Variants in TMC5 observed in about 807,000 individuals in gnomAD.
The protein encoded by TMC5 is transmembrane channel like 5, also known as transmembrane channel-like protein 5.
A neutral mutation model predicts 110.5 loss-of-function variants in TMC5; 86 were observed. That is an observed-to-expected ratio of 0.78 (90% CI 0.65 to 0.93). The LOEUF (loss-of-function observed/expected upper bound fraction) is 0.93, where lower values mean the gene tolerates loss of function less well. Ranked by LOEUF, TMC5 falls within the 40% of genes least tolerant of loss-of-function variation. The probability of loss-of-function intolerance (pLI) is 0.00; values close to 1 mark genes in which losing one functional copy is unlikely to be tolerated. For missense variants in TMC5, 1,144 were observed against 1,222.8 expected, an observed-to-expected ratio of 0.94 and a Z score of 0.96; for synonymous variants, 455 against 439.5, an observed-to-expected ratio of 1.04 and a Z score of -0.44.
intron 4 of TMC5, among the ~76,000 whole-genome samples, chr16:19,447,920 G>A (rs560522910): frequency 1.3e-5 from 2 of 152,106 alleles, no homozygotes; most frequent in South Asian, 2.1e-4. Flanking sequence ...CCCAGGGGGC[G>A]CACAACTAGG....
chr16:19,447,255 C>T (rs1967635186), intron 4 of TMC5, among the ~76,000 whole-genome samples: 1 of 151,970 alleles, frequency 6.6e-6, no homozygotes, highest in Non-Finnish European at 1.5e-5. Context: ...AGTGAGTGAC[C>T]TAGGGCAATG....
chr16:19,466,193 G>A lies in TMC5; in HGVS notation c.1597G>A (p.Gly533Arg), dbSNP rs200661492. The A allele has an allele frequency of 7.5e-5, 121 of 1,613,922 alleles. No homozygotes were observed. Among genetic ancestry groups the A allele is most frequent in the East Asian group, 5.3e-4 (24 of 44,888 alleles). ...NMQLAYIFTI[G>R]ACLTTCFFSL... ...GCAGCTGGCCTACATCTTCACAATC[G>A]GAGCATGCTTGACCACCTGCTTCTT... Residue 533 changes from glycine (G) to arginine (R), a missense_variant, in exon 9 of 22, where the codon GGA becomes AGA. Transcript: ENST00000542583.
intron 5 of TMC5, among the ~76,000 whole-genome samples, chr16:19,455,006 G>T (rs1186065592): frequency 6.6e-6 from 1 of 152,016 alleles, no homozygotes; most frequent in Non-Finnish European, 1.5e-5. Context: ...GCATGGTGGT[G>T]CCCCTGTGGT....
chr16:19,469,638 G>C, intron 9 of TMC5, 43 bp from the exon 10 acceptor site: 5 of 1,610,526 alleles, frequency 3.1e-6, no homozygotes, highest in Non-Finnish European at 4.2e-6. Context: ...TCCCAGTGAC[G>C]GCCATAATAA....
intron 15 of TMC5, among the ~76,000 whole-genome samples, chr16:19,483,591 A>G (rs1299829683): frequency 6.6e-6 from 1 of 151,810 alleles, no homozygotes; most frequent in East Asian, 1.9e-4. Flanking sequence ...CCAGCCTGAC[A>G]AACATGGTGA....
chr16:19,486,463 G>A (rs1218549935), intron 15 of TMC5, among the ~76,000 whole-genome samples: 2 of 152,018 alleles, frequency 1.3e-5, no homozygotes, highest in Non-Finnish European at 2.9e-5. Context: ...TGCAACCTCC[G>A]CCTCCCAGGT....
chr16:19,422,181 A>G (rs1432678430), intron 1 of TMC5, among the ~76,000 whole-genome samples: 2 of 151,880 alleles, frequency 1.3e-5, no homozygotes, highest in Non-Finnish European at 2.9e-5. Flanking sequence ...CAGTGAGCCA[A>G]GATCACACCA....
intron 4 of TMC5, among the ~76,000 whole-genome samples, chr16:19,447,159 G>C (rs1261607703): frequency 1.3e-5 from 2 of 152,148 alleles, no homozygotes; most frequent in Non-Finnish European, 2.9e-5. Context: ...AAGGTTGGTT[G>C]GCATTTGGCT....
At chr16:19,474,058 T>G in intron 11 of TMC5, 67 bp from the exon 12 acceptor site, 1 of 1,487,088 alleles carries the variant, frequency 6.7e-7, no homozygotes, top group East Asian at 2.4e-5. Flanking sequence ...ATGGGAGACT[T>G]TTGAGTGAAG....
At chr16:19,487,666 C>T (rs796897312) in intron 17 of TMC5, among the ~76,000 whole-genome samples, 3 of 151,326 alleles carry the variant, frequency 2.0e-5, no homozygotes, top group African/African-American at 4.9e-5. Flanking sequence ...TGCACCATTG[C>T]GCTCCAGCCT....
chr16:19,419,152 G>C (rs1659679416), intron 1 of TMC5, among the ~76,000 whole-genome samples: 1 of 151,978 alleles, frequency 6.6e-6, no homozygotes. Context: ...AACCTCTCTG[G>C]GTCTCAATGT....
intron 16 of TMC5, 37 bp from the exon 17 acceptor site, chr16:19,487,156 G>A (rs762195203): frequency 3.0e-5 from 48 of 1,604,270 alleles, no homozygotes; most frequent in Middle Eastern, 1.7e-4. Context: ...CCGCTGCTCC[G>A]GCTGCAGATG....
intron 5 of TMC5, among the ~76,000 whole-genome samples, chr16:19,455,844 A>G (rs983966945): frequency 2.6e-5 from 4 of 152,324 alleles, no homozygotes; most frequent in Admixed American, 2.0e-4. Context: ...TACCTAAGGC[A>G]TCAGGAGATA....
chr16:19,421,959 G>A (rs796858672), intron 1 of TMC5, among the ~76,000 whole-genome samples: 8 of 150,586 alleles, frequency 5.3e-5, no homozygotes, highest in Admixed American at 6.6e-5. Flanking sequence ...GGCCGGGCGC[G>A]GTGGCTCACG....
intron 14 of TMC5, 99 bp from the exon 15 acceptor site, chr16:19,481,271 A>G (rs1283449071): frequency 1.2e-6 from 1 of 857,834 alleles, no homozygotes; most frequent in African/African-American, 1.7e-5. Flanking sequence ...CTTTATTTCA[A>G]GCTGGGGAGG....
At chr16:19,412,396 C>T (rs1055422322) in intron 1 of TMC5, among the ~76,000 whole-genome samples, 1 of 149,630 alleles carries the variant, frequency 6.7e-6, no homozygotes, top group South Asian at 2.1e-4. Flanking sequence ...GAGACAGTCT[C>T]GTTCTGTTGC....
chr16:19,469,868 C>T (rs1968285371), intron 10 of TMC5, 43 bp downstream of exon 10: 1 of 1,607,838 alleles, frequency 6.2e-7, no homozygotes, highest in African/African-American at 1.3e-5. Context: ...GGCTGGTCTC[C>T]TTCCCTTCTC....
At chr16:19,442,020 C>T (rs1474490278) in intron 3 of TMC5, among the ~76,000 whole-genome samples, 1 of 152,134 alleles carries the variant, frequency 6.6e-6, no homozygotes, top group Non-Finnish European at 1.5e-5. Flanking sequence ...TCAGGCTGGT[C>T]TCAAACTCCC....
At chr16:19,434,006 TA>T in intron 2 of TMC5, among the ~76,000 whole-genome samples, 1 of 79,250 alleles carries the variant, frequency 1.3e-5, no homozygotes, top group African/African-American at 6.2e-5. Context: ...ATATATATTA[TA>T]TATATAATAT....
Sources: allele counts gnomAD v4.1 joint callset (sites outside exome capture counted in the v4.1 genomes callset), GRCh38; gene constraint gnomAD v4.1.1; transcripts MANE v1.5; gene names NCBI Gene and HGNC (gene_info 2026-07-23, HGNC 2026-07-21).